Variants in SLC17A8 observed in about 807,000 individuals in gnomAD.
The protein encoded by SLC17A8 is vesicular glutamate transporter 3.
SLC17A8 carries 31 observed loss-of-function variants against 58.0 expected under a neutral mutation model. The ratio of observed to expected loss-of-function variants is 0.53; its 90% confidence interval spans 0.40 to 0.72. SLC17A8 has a LOEUF of 0.72. SLC17A8 is among the 30% of genes least tolerant of loss of function. The probability of loss-of-function intolerance (pLI) is 0.00; values close to 1 mark genes in which losing one functional copy is unlikely to be tolerated. For missense variants in SLC17A8, 655 were observed against 727.8 expected (o/e 0.90, Z 1.15); for synonymous variants, 228 against 249.0 (o/e 0.92, Z 0.79).
chr12:100,389,858 T>C (rs75238128), intron 2 of SLC17A8, among the ~76,000 whole-genome samples: 17,369 of 151,174 alleles, frequency 0.11, 1,068 homozygotes, highest in Admixed American at 0.16. Flanking sequence ...TCTCTCTCAG[T>C]CACCCAGGCT....
Position 100,357,349 on chromosome 12 carries a change from T to G in SLC17A8, c.-43T>G. 2 of 1,117,092 alleles carry G rather than the reference T, an allele frequency of 1.8e-6. No homozygotes were observed. The highest frequency in any genetic ancestry group is 2.8e-6 in the Non-Finnish European group (2 of 726,454). The allele number at this position is 1,117,092 out of a possible 1,614,324, so 69.2% of individuals were successfully genotyped here. Reference sequence around the variant, plus strand: ...TGGAAATGAGGAAGGATGACAGTTTTTGAGACTGACTGTTAACGGCTCAGA... The same window carrying G: ...TGGAAATGAGGAAGGATGACAGTTTGTGAGACTGACTGTTAACGGCTCAGA... On this transcript the variant is annotated 5_prime_UTR_variant, in exon 1 of 12. Coordinates refer to ENST00000323346, the MANE Select transcript of SLC17A8 (RefSeq NM_139319.3).
intron 1 of SLC17A8, among the ~76,000 whole-genome samples, chr12:100,359,109 A>G (rs890029761): frequency 6.6e-6 from 1 of 152,166 alleles, no homozygotes; most frequent in Non-Finnish European, 1.5e-5. Context: ...CACTCCAGCT[A>G]GGGTGACAGA....
intron 2 of SLC17A8, among the ~76,000 whole-genome samples, chr12:100,384,564 TAAACAAAC>T (rs372874726): frequency 5.8e-4 from 89 of 152,204 alleles, no homozygotes; most frequent in African/African-American, 2.0e-3. Flanking sequence ...AGACTCCATC[TAAACAAAC>T]AAACAAACAA....
intron 10 of SLC17A8, among the ~76,000 whole-genome samples, chr12:100,414,269 A>G (rs1349234934): frequency 6.6e-6 from 1 of 152,208 alleles, no homozygotes; most frequent in African/African-American, 2.4e-5. Flanking sequence ...GAATAGAAAA[A>G]TATGGAACCT....
chr12:100,382,881 T>A (rs189547712), intron 2 of SLC17A8, among the ~76,000 whole-genome samples: 11 of 152,322 alleles, frequency 7.2e-5, no homozygotes, highest in Non-Finnish European at 1.3e-4. Context: ...GCAAGCTATT[T>A]GTTTTTGCTT....
intron 2 of SLC17A8, among the ~76,000 whole-genome samples, chr12:100,387,403 G>C (rs1952683693): frequency 6.6e-6 from 1 of 152,094 alleles, no homozygotes; most frequent in South Asian, 2.1e-4. Context: ...GTCTTCTTTG[G>C]AGAAATGTCT....
chr12:100,382,938 A>G (rs1592994545), intron 2 of SLC17A8, among the ~76,000 whole-genome samples: 1 of 152,334 alleles, frequency 6.6e-6, no homozygotes, highest in Non-Finnish European at 1.5e-5. Flanking sequence ...AGCACCATGG[A>G]GATCCTCCTA....
chr12:100,405,295 C>T (rs1412180111), intron 9 of SLC17A8, among the ~76,000 whole-genome samples: 4 of 152,290 alleles, frequency 2.6e-5, no homozygotes, highest in African/African-American at 9.6e-5. Flanking sequence ...TGGGACATTG[C>T]ATTCAAGTCC....
At chr12:100,387,377 T>A (rs1952683381) in intron 2 of SLC17A8, among the ~76,000 whole-genome samples, 1 of 152,240 alleles carries the variant, frequency 6.6e-6, no homozygotes. Flanking sequence ...TTCATGTAGA[T>A]ATTGGCCATT....
At chr12:100,397,146 G>T (rs1952759725) in intron 5 of SLC17A8, among the ~76,000 whole-genome samples, 1 of 152,152 alleles carries the variant, frequency 6.6e-6, no homozygotes, top group African/African-American at 2.4e-5. Context: ...GGGGAAGGGA[G>T]AAAGGGTTGG....
At chr12:100,369,989 G>A (rs1313356614) in intron 1 of SLC17A8, among the ~76,000 whole-genome samples, 1 of 152,226 alleles carries the variant, frequency 6.6e-6, no homozygotes, top group Non-Finnish European at 1.5e-5. Context: ...AGCCATGACA[G>A]AGTGAGAGCT....
intron 9 of SLC17A8, among the ~76,000 whole-genome samples, chr12:100,405,921 C>A (rs1295252303): frequency 6.6e-6 from 1 of 152,096 alleles, no homozygotes; most frequent in Non-Finnish European, 1.5e-5. Flanking sequence ...TTGAGGCGGG[C>A]AGACCACTTG....
chr12:100,399,022 C>T (rs1045647738), intron 5 of SLC17A8, among the ~76,000 whole-genome samples: 2 of 152,178 alleles, frequency 1.3e-5, no homozygotes, highest in African/African-American at 2.4e-5. Flanking sequence ...TTGTAAATTG[C>T]TCACACTTGG....
In SLC17A8 at chr12:100,389,013, G is replaced by T. The variant is rs116910231; in HGVS notation, c.355-1988G>T. 3.0e-3 allele frequency among the ~76,000 whole-genome samples: 462 copies of T among 152,184 alleles called. 2 individuals carry two copies. The Middle Eastern group carries it at 0.037, about 12-fold the overall frequency. The stretch of plus-strand genomic sequence containing the variant: ...TTGGTGCCATGGCTGTGGGACCAAA[G>T]GTCTGTAAGACAAGCCCAAGAAAAA... On this transcript the variant is annotated intron_variant, in intron 2 of 11. Transcript: ENST00000323346.
intron 10 of SLC17A8, among the ~76,000 whole-genome samples, chr12:100,416,124 T>C: frequency 6.6e-6 from 1 of 152,188 alleles, no homozygotes; most frequent in Non-Finnish European, 1.5e-5. Context: ...TTATGTGTAA[T>C]TTTTTTATCT....
intron 4 of SLC17A8, among the ~76,000 whole-genome samples, chr12:100,395,644 G>A (rs1164746570): frequency 4.1e-5 from 6 of 148,072 alleles, no homozygotes; most frequent in Admixed American, 1.4e-4. Flanking sequence ...TTTCAGTCTC[G>A]CTCTGTTGCC....
intron 10 of SLC17A8, among the ~76,000 whole-genome samples, chr12:100,415,980 A>G (rs1020933047): frequency 6.6e-6 from 1 of 152,248 alleles, no homozygotes; most frequent in African/African-American, 2.4e-5. Flanking sequence ...CATAGATGTC[A>G]GGGAAGACTG....
chr12:100,363,504 T>C (rs1340971686), intron 1 of SLC17A8, among the ~76,000 whole-genome samples: 1 of 151,988 alleles, frequency 6.6e-6, no homozygotes, highest in African/African-American at 2.4e-5. Flanking sequence ...AATAGTGGGA[T>C]TACGGGCACC....
intron 9 of SLC17A8, among the ~76,000 whole-genome samples, 178 bp from the exon 10 acceptor site, chr12:100,412,592 T>C (rs1217162749): frequency 1.4e-5 from 1 of 72,070 alleles, no homozygotes; most frequent in Non-Finnish European, 3.1e-5. Flanking sequence ...CAAGTAAAGT[T>C]AAAAAAAAAA....
Sources: allele counts gnomAD v4.1 joint callset (sites outside exome capture counted in the v4.1 genomes callset), GRCh38; gene constraint gnomAD v4.1.1; transcripts MANE v1.5; gene names NCBI Gene and HGNC (gene_info 2026-07-23, HGNC 2026-07-21).